LRP6: variants seen among roughly 807,000 people sequenced by gnomAD.
LRP6 encodes LDL receptor related protein 6, also known as low-density lipoprotein receptor-related protein 6.
In LRP6, 43 loss-of-function variants were observed where a neutral mutation model predicts 184.1. The ratio of observed to expected loss-of-function variants is 0.23; its 90% CI spans 0.18 to 0.30. The LOEUF is 0.30. Ranked by LOEUF, LRP6 falls within the 10% of genes least tolerant of loss-of-function variation. The pLI is 1.00. For synonymous variants in LRP6, 719 were observed against 684.9 expected, an observed-to-expected ratio of 1.05 and a Z score of -0.78; for missense variants, 1,571 against 2,005.3, an observed-to-expected ratio of 0.78 and a Z score of 4.14.
intron 2 of LRP6, among the ~76,000 whole-genome samples, chr12:12,238,251 A>G (rs1864974578): frequency 6.6e-6 from 1 of 151,152 alleles, no homozygotes; most frequent in Admixed American, 6.6e-5. Flanking sequence ...AGTGGCTCAG[A>G]GAAATAATGA....
intron 1 of LRP6, among the ~76,000 whole-genome samples, chr12:12,259,903 A>C (rs977047859): frequency 1.3e-5 from 2 of 152,230 alleles, no homozygotes; most frequent in Admixed American, 6.6e-5. Flanking sequence ...ATCCTGCAGA[A>C]AGAAATCCAC....
chr12:12,169,379 A>G (rs559295642), intron 7 of LRP6, among the ~76,000 whole-genome samples: 6 of 152,312 alleles, frequency 3.9e-5, no homozygotes, highest in African/African-American at 1.4e-4. Flanking sequence ...TTTGGATTTC[A>G]GAATTGCAGA....
intron 15 of LRP6, among the ~76,000 whole-genome samples, chr12:12,144,582 A>G (rs895340977): frequency 1.3e-5 from 2 of 152,238 alleles, no homozygotes; most frequent in African/African-American, 4.8e-5. Flanking sequence ...TTGAGGCTGC[A>G]GCAAGCTATA....
At chr12:12,167,000 A>G (rs951309766) in intron 7 of LRP6, among the ~76,000 whole-genome samples, 2 of 152,074 alleles carry the variant, frequency 1.3e-5, no homozygotes, top group Non-Finnish European at 2.9e-5. Flanking sequence ...TAGGGAGGCT[A>G]AAGCAGGCAG....
chr12:12,263,568 T>C (rs1235146872), intron 1 of LRP6, among the ~76,000 whole-genome samples: 3 of 129,782 alleles, frequency 2.3e-5, no homozygotes, highest in Non-Finnish European at 3.2e-5. Context: ...AAAAAAAGAA[T>C]GTGTGAATCT....
At chr12:12,203,457 T>C in intron 2 of LRP6, 57 bp from the exon 3 acceptor site, 1 of 1,378,862 alleles carries the variant, frequency 7.3e-7, no homozygotes, top group Non-Finnish European at 1.0e-6. Flanking sequence ...TCAAATACTC[T>C]GTAATTATTA....
rs1470636207 is a variant in LRP6 at position 12,135,177 on chromosome 12, C to T, written c.3731G>A (p.Gly1244Glu). ...LVLLQDELSCGEPPTCSPQQF... is the reference protein window; with the variant it reads ...LVLLQDELSCEEPPTCSPQQF... ...CAAGAAAATTACAACATATTTACCT[C>T]CACATGATAGCTCATCTTGAAGTAG... The change falls in exon 17 of 23, where the codon GGA becomes GAA. Residue 1244 changes from glycine (G) to glutamate (E), a missense_variant and splice_region_variant. By Grantham distance (98) the Gly-to-Glu change is moderately conservative. Around this residue, in one of 4 missense-constraint regions of LRP6, gnomAD observed 763 missense variants for 859.5 expected, o/e 0.89. Transcript: ENST00000261349. 11 of 1,613,872 alleles carry T rather than the reference C, an allele frequency of 6.8e-6. No individual in the cohort carries two copies. The highest frequency in any genetic ancestry group is 8.5e-6 in the Non-Finnish European group (10 of 1,179,822).
At chr12:12,190,166 A>C (rs139535081) in intron 3 of LRP6, among the ~76,000 whole-genome samples, 1 of 152,168 alleles carries the variant, frequency 6.6e-6, no homozygotes, top group Admixed American at 6.5e-5. Context: ...GCCAACTATG[A>C]CTTGTTCCTG....
At chr12:12,234,180 G>A (rs1256584145) in intron 2 of LRP6, among the ~76,000 whole-genome samples, 17 of 152,046 alleles carry the variant, frequency 1.1e-4, no homozygotes, top group Non-Finnish European at 1.9e-4. Flanking sequence ...CCAGCTACTC[G>A]GGAGGCTGAG....
intron 1 of LRP6, among the ~76,000 whole-genome samples, chr12:12,263,902 G>C (rs370047346): frequency 1.3e-5 from 2 of 151,914 alleles, no homozygotes; most frequent in Non-Finnish European, 2.9e-5. Context: ...TGTAATCCCA[G>C]CACTTTGAGA....
At chr12:12,168,629 T>G (rs1862949674) in intron 7 of LRP6, among the ~76,000 whole-genome samples, 1 of 152,214 alleles carries the variant, frequency 6.6e-6, no homozygotes, top group Non-Finnish European at 1.5e-5. Flanking sequence ...CAGAAACACT[T>G]CATTTATCTC....
intron 2 of LRP6, among the ~76,000 whole-genome samples, chr12:12,230,147 A>T (rs1864744776): frequency 6.6e-6 from 1 of 152,200 alleles, no homozygotes; most frequent in Non-Finnish European, 1.5e-5. Context: ...ACTGGGAGGG[A>T]AGTAAAGCAA....
intron 2 of LRP6, among the ~76,000 whole-genome samples, chr12:12,224,675 T>A (rs964306012): frequency 1.3e-5 from 2 of 152,226 alleles, no homozygotes; most frequent in African/African-American, 4.8e-5. Context: ...ACTTCCTATA[T>A]ATAAACTGAT....
rs752384123 is a variant in LRP6, at chr12:12,162,375, C to T, written c.2097G>A (p.Val699=). 7 of 1,614,148 alleles carry T rather than the reference C, an allele frequency of 4.3e-6. No homozygotes were observed. The highest frequency in any genetic ancestry group is 2.5e-6 in the Non-Finnish European group (3 of 1,180,018). The change falls in exon 10 of 23, where the codon GTG becomes GTA. Residue 699 remains valine (V), a synonymous_variant. Coordinates refer to ENST00000261349, the MANE Select transcript of LRP6 (RefSeq NM_002336.3). ...AFMNGSALEH[V]VEFGLDYPEG... ...CTGGATAATCTAAGCCGAATTCTACCACATGTTCCAGTGCACTGCCATTCA... is the reference window on the plus strand; with the variant it reads ...CTGGATAATCTAAGCCGAATTCTACTACATGTTCCAGTGCACTGCCATTCA...
intron 12 of LRP6, chr12:12,155,233 G>T: frequency 2.8e-6 from 2 of 713,108 alleles, no homozygotes; most frequent in South Asian, 2.8e-5. Flanking sequence ...CTTTCAGCCA[G>T]AACTGCCATC....
At chr12:12,130,508 T>C (rs1002405872) in intron 19 of LRP6, among the ~76,000 whole-genome samples, 1 of 152,200 alleles carries the variant, frequency 6.6e-6, no homozygotes, top group Non-Finnish European at 1.5e-5. Context: ...TCTAAATGAT[T>C]TGAGAATTTT....
intron 2 of LRP6, among the ~76,000 whole-genome samples, chr12:12,240,339 C>A (rs1274294703): frequency 6.6e-6 from 1 of 152,036 alleles, no homozygotes; most frequent in Non-Finnish European, 1.5e-5. Context: ...TTTGGGAGGC[C>A]GAGGCGGGCA....
At chr12:12,153,414 G>C (rs1404586810) in intron 12 of LRP6, among the ~76,000 whole-genome samples, 1 of 152,072 alleles carries the variant, frequency 6.6e-6, no homozygotes, top group African/African-American at 2.4e-5. Flanking sequence ...TTGGCTCCTA[G>C]GATATTTTGC....
chr12:12,265,501 T>C (rs1865733366), intron 1 of LRP6, among the ~76,000 whole-genome samples: 1 of 152,256 alleles, frequency 6.6e-6, no homozygotes, highest in Non-Finnish European at 1.5e-5. Flanking sequence ...TTACTATTAG[T>C]GTTCTGTAAA....
Sources: gnomAD v4.1 joint callset for allele counts (sites outside exome capture counted in the v4.1 genomes callset) on GRCh38, gnomAD v4.1.1 for gene constraint, gnomAD v4.1.1 regional missense constraint, MANE v1.5 for transcripts, NCBI Gene and HGNC (gene_info 2026-07-23, HGNC 2026-07-21) for gene names.